ARVCF: variants seen among roughly 807,000 people sequenced by gnomAD.
ARVCF encodes splicing regulator ARVCF.
ARVCF carries 66 observed loss-of-function variants against 90.9 expected under a neutral mutation model. The ratio of observed to expected loss-of-function variants is 0.73; its 90% CI spans 0.60 to 0.89. The LOEUF (loss-of-function observed/expected upper bound fraction) is 0.89. Among genes scored for constraint, ARVCF ranks in the 40% least tolerant of loss-of-function variants. ARVCF has a pLI of 0.00. For missense variants in ARVCF, 1,469 were observed against 1,382.3 expected (o/e 1.06, Z -1.00); for synonymous variants, 653 against 603.4 (o/e 1.08, Z -1.21).
intron 16 of ARVCF, 63 bp from the exon 17 acceptor site, chr22:19,972,474 C>A: frequency 6.3e-7 from 1 of 1,599,522 alleles, no homozygotes; most frequent in Non-Finnish European, 8.6e-7. Flanking sequence ...GGCAGAGAAG[C>A]CCACACAGGG....
At chr22:19,979,229 G>T in intron 6 of ARVCF, 149 bp from the exon 7 acceptor site, 1 of 845,754 alleles carries the variant, frequency 1.2e-6, no homozygotes, top group Non-Finnish European at 1.8e-6. Context: ...GTGGTTCCGG[G>T]GGACACCCAG....
chr22:19,983,964 G>A (rs772704118), intron 3 of ARVCF, among the ~76,000 whole-genome samples: 18 of 152,332 alleles, frequency 1.2e-4, no homozygotes, highest in Admixed American at 5.2e-4. Flanking sequence ...TCACTGCTGG[G>A]GCTGGGCTGC....
Position 19,971,197 on chromosome 22 carries a change from A to C in ARVCF, c.*12+19T>G. 6.4e-7 allele frequency: 1 copy of C among 1,551,670 alleles called. No homozygotes were observed. On this transcript the variant is annotated intron_variant, in intron 19 of 19. Transcript: ENST00000263207. ...GAGGGCAGGAACAGGTGGACGAACA[A>C]CCAGATGAGAGAACGTACCAGGCAT... is the stretch of plus-strand genomic sequence containing the variant.
chr22:19,978,140 C>G, intron 7 of ARVCF, 65 bp from the exon 8 acceptor site: 1 of 1,448,454 alleles, frequency 6.9e-7, no homozygotes, highest in Non-Finnish European at 9.3e-7. Context: ...CCACCCTGGC[C>G]TTGTGGGCTT....
At chr22:19,966,195 T>A (rs368936053), downstream of ARVCF, among the ~76,000 whole-genome samples, 2 of 152,124 alleles carry the variant, frequency 1.3e-5, no homozygotes, top group African/African-American at 4.8e-5. Flanking sequence ...TAAACGCACA[T>A]CTGCACACTC....
At chr22:19,982,326 TG>T (rs1427033254) in intron 3 of ARVCF, among the ~76,000 whole-genome samples, 1 of 152,182 alleles carries the variant, frequency 6.6e-6, no homozygotes, top group Non-Finnish European at 1.5e-5. Context: ...CACCCCATCC[TG>T]GGGGGACCCT....
Position 19,973,902 on chromosome 22 carries a change from A to G in ARVCF, c.2089-109T>C, listed in dbSNP as rs1942997365. ...ACCTTCCTGCTCCCGTGCCCGACAA[A>G]GCCCTACCCCAAAAGCTCAACGGCA... On this transcript the variant is annotated intron_variant, in intron 12 of 19. Transcript: ENST00000263207. The G allele has an allele frequency of 2.0e-6, 3 of 1,503,114 alleles. No individual in the cohort carries two copies. The East Asian group carries it at 6.9e-5, about 35-fold the overall frequency. 93.1% of individuals were successfully genotyped at this position (1,503,114 alleles called of 1,614,324 possible).
At position 19,970,374 on chromosome 22, in the gene ARVCF, C is replaced by A; in HGVS notation, c.*382G>T. 9.7e-7 allele frequency: 1 copy of A among 1,026,942 alleles called. No individual in the cohort carries two copies. The highest frequency in any genetic ancestry group is 5.3e-5 in the Admixed American group (1 of 18,816). 63.6% of individuals were successfully genotyped at this position (1,026,942 alleles called of 1,614,324 possible). ...TGCCTGCCCCTGGCGCCAGACCTGGCCCGCACCACTGGGGCACTGTGTTCC... is the reference window on the plus strand; with the variant it reads ...TGCCTGCCCCTGGCGCCAGACCTGGACCGCACCACTGGGGCACTGTGTTCC... On this transcript the variant is annotated 3_prime_UTR_variant, in exon 20 of 20. Coordinates refer to ENST00000263207, the MANE Select transcript of ARVCF (RefSeq NM_001670.3).
chr22:19,987,194 C>T (rs905411796), intron 3 of ARVCF: 3 of 402,352 alleles, frequency 7.5e-6, no homozygotes, highest in African/African-American at 6.2e-5. Flanking sequence ...GCTCGGCGGA[C>T]TCGCTCCCCG....
chr22:19,987,367 C>G (rs1191546312), intron 3 of ARVCF, among the ~76,000 whole-genome samples: 1 of 143,684 alleles, frequency 7.0e-6, no homozygotes, highest in Non-Finnish European at 1.5e-5. Context: ...CCCGGGTCGC[C>G]CCCTGTCCCC....
downstream of ARVCF, chr22:19,965,665 A>C (rs9306234): frequency 0.38 from 57,288 of 152,214 alleles, 11,049 homozygotes; most frequent in Middle Eastern, 0.47. Flanking sequence ...AAACAACAAA[A>C]AACAACAAAA....
At chr22:20,011,747 C>T (rs1260747920) in intron 1 of ARVCF, among the ~76,000 whole-genome samples, 1 of 152,220 alleles carries the variant, frequency 6.6e-6, no homozygotes, top group Non-Finnish European at 1.5e-5. Context: ...TGCTCCTACT[C>T]CAAGGTCTGA....
chr22:19,986,780 G>C, intron 3 of ARVCF: 1 of 368,928 alleles, frequency 2.7e-6, no homozygotes, highest in Non-Finnish European at 4.9e-6. Flanking sequence ...CATCCGGTCC[G>C]GGCCGGTGCC....
intron 12 of ARVCF, 41 bp from the exon 13 acceptor site, chr22:19,973,834 G>T (rs1942992976): frequency 8.9e-6 from 14 of 1,578,862 alleles, no homozygotes; most frequent in Non-Finnish European, 1.2e-5. Context: ...ATACATGCCA[G>T]GCACTCTCCC....
At chr22:19,978,839 G>A (rs1463291384) in intron 7 of ARVCF, 58 bp downstream of exon 7, 71 of 1,555,170 alleles carry the variant, frequency 4.6e-5, no homozygotes, top group Non-Finnish European at 5.8e-5. Context: ...CACTATCTGG[G>A]ACCACGAGGA....
intron 5 of ARVCF, chr22:19,980,450 C>T (rs1377458496): frequency 5.7e-6 from 4 of 701,106 alleles, no homozygotes; most frequent in Non-Finnish European, 8.3e-6. Flanking sequence ...TGCCAAACCC[C>T]AGCCAGCGGC....
At position 19,973,160 on chromosome 22, in the gene ARVCF, CTG is replaced by C; in HGVS notation, c.2395_2396del (p.Gln799GlyfsTer61). The C allele has an allele frequency of 6.2e-7, 1 of 1,610,652 alleles. No homozygotes were observed. Among genetic ancestry groups the C allele is most frequent in the Non-Finnish European group, 8.5e-7 (1 of 1,179,162 alleles). On this transcript the variant is annotated frameshift_variant, in exon 14 of 20. Transcript: ENST00000263207. LOFTEE classifies it high-confidence loss of function. The stretch of plus-strand genomic sequence containing the variant: ...CCACCAACGCTGGCACCCCGCGTGC[CTG>C]CAGGAGCGAGCGCGCGTTATCCAGG... ...DSLDNARSLL[Q>X]ARGVPALVAL...
At chr22:19,978,818 G>C in intron 7 of ARVCF, 79 bp downstream of exon 7, 2 of 1,501,004 alleles carry the variant, frequency 1.3e-6, no homozygotes. Context: ...TAAGCTCGCC[G>C]CCATCTTCCA....
rs187617686 is a variant in ARVCF, at chr22:19,978,053, C to T, written c.1603G>A (p.Glu535Lys). The T allele has an allele frequency of 4.3e-6, 7 of 1,610,372 alleles. No homozygotes were observed. In the Admixed American group the frequency reaches 8.4e-5, roughly 19 times the overall value. The change falls in exon 8 of 20, where the codon GAG (glutamate) becomes AAG (lysine). Residue 535 changes from glutamate to lysine, a missense_variant. Coordinates refer to ENST00000263207, the MANE Select transcript of ARVCF (RefSeq NM_001670.3). ...CLRNVSSDGA[E>K]ARRRLRECEG... ...CACTCCCGGAGTCGCCGCCGGGCCT[C>T]AGCACCATCGGAGCTCACATTCCTG...
Sources: gnomAD v4.1 joint callset for allele counts (sites outside exome capture counted in the v4.1 genomes callset) on GRCh38, gnomAD v4.1.1 for gene constraint, MANE v1.5 for transcripts, NCBI Gene and HGNC (gene_info 2026-07-23, HGNC 2026-07-21) for gene names.